Variants in RASAL2 observed in about 807,000 individuals in gnomAD.
The protein encoded by RASAL2 is ras GTPase-activating protein nGAP.
RASAL2 carries 58 observed loss-of-function variants against 128.9 expected under a neutral mutation model. The observed-to-expected ratio is 0.45, with a 90% CI of 0.36 to 0.56. RASAL2 has a LOEUF of 0.56. Ranked by LOEUF, RASAL2 falls within the 20% of genes least tolerant of loss-of-function variation. RASAL2 has a pLI of 0.00. For synonymous variants in RASAL2, 561 were observed against 580.8 expected (o/e 0.97, Z 0.49); for missense variants, 1,360 against 1,601.6 (o/e 0.85, Z 2.57).
chr1:178,172,913 A>G (rs1328921473), intron 1 of RASAL2, among the ~76,000 whole-genome samples: 5 of 152,260 alleles, frequency 3.3e-5, no homozygotes, highest in East Asian at 1.9e-4. Flanking sequence ...GACTTCATCT[A>G]TTTACCTGGT....
chr1:178,456,841 A>T lies in RASAL2; in HGVS notation c.2332A>T (p.Asn778Tyr). Residue 778 changes from asparagine (N) to tyrosine (Y), a missense_variant, in exon 13 of 18, where the codon AAT becomes TAT. Asn to Tyr is a moderately radical substitution (Grantham distance 143). Around this residue, in one of 3 missense-constraint regions of RASAL2, gnomAD observed 741 missense variants for 868.6 expected, o/e 0.85. Transcript: ENST00000367649. ...CTTCACTGAACATAACTCCAGTCCA[A>T]ATGTCAGTGGAAGCCTCTCCTCTGG... ...RRFTEHNSSPNVSGSLSSGLQ... is the reference protein window; with the variant it reads ...RRFTEHNSSPYVSGSLSSGLQ... The T allele has an allele frequency of 6.2e-7, 1 of 1,614,178 alleles. No individual in the cohort carries two copies. Among genetic ancestry groups the T allele is most frequent in the Non-Finnish European group, 8.5e-7 (1 of 1,180,042 alleles).
intron 9 of RASAL2, among the ~76,000 whole-genome samples, chr1:178,447,633 T>G (rs1225265773): frequency 1.5e-5 from 2 of 132,968 alleles, no homozygotes; most frequent in Non-Finnish European, 3.0e-5. Context: ...ATTATACCAT[T>G]GCACTCCAGC....
chr1:178,451,452 C>T, intron 9 of RASAL2, 119 bp from the exon 10 acceptor site: 1 of 1,116,002 alleles, frequency 9.0e-7, no homozygotes, highest in Non-Finnish European at 1.2e-6. Flanking sequence ...TGTGCCCTCC[C>T]TGTCAGATCT....
intron 3 of RASAL2, among the ~76,000 whole-genome samples, chr1:178,309,285 A>G (rs920898511): frequency 2.0e-4 from 30 of 152,172 alleles, no homozygotes; most frequent in African/African-American, 7.2e-4. Flanking sequence ...CTCCTGTAAA[A>G]TAAGATTATT....
At chr1:178,311,544 G>GA (rs77606638) in intron 3 of RASAL2, among the ~76,000 whole-genome samples, 66 of 146,110 alleles carry the variant, frequency 4.5e-4, no homozygotes, top group East Asian at 2.0e-3. Context: ...TCTTTGGAGG[G>GA]AAAAAAAAAA....
intron 1 of RASAL2, among the ~76,000 whole-genome samples, chr1:178,155,934 C>T (rs1465129407): frequency 2.0e-5 from 3 of 152,154 alleles, no homozygotes; most frequent in Admixed American, 6.5e-5. Flanking sequence ...TTTCCAGAAA[C>T]CTGTTGTAAA....
intron 1 of RASAL2, among the ~76,000 whole-genome samples, chr1:178,188,766 G>A (rs571096123): frequency 1.9e-4 from 29 of 152,084 alleles, no homozygotes; most frequent in African/African-American, 6.7e-4. Context: ...TATTTAGAAG[G>A]CAAATGATAC....
At chr1:178,298,711 C>G (rs1411586049) in intron 2 of RASAL2, among the ~76,000 whole-genome samples, 1 of 152,174 alleles carries the variant, frequency 6.6e-6, no homozygotes. Flanking sequence ...TAATGTCACA[C>G]ATATGAACTC....
In RASAL2 at chr1:178,442,943, A is replaced by G. The variant is rs1676765805; in HGVS notation, c.1196A>G (p.Asn399Ser). The G allele has an allele frequency of 6.2e-7, 1 of 1,614,110 alleles. No individual in the cohort carries two copies. The stretch of plus-strand genomic sequence containing the variant: ...AAGAATAATTATGTAGGGCTAGTCA[A>G]CATCCCCACTGCCAGTGTGACTGGT... Reference protein sequence around the residue: ...KDKNNYVGLVNIPTASVTGRQ... With the variant: ...KDKNNYVGLVSIPTASVTGRQ... The change falls in exon 8 of 18, where the codon AAC becomes AGC. Residue 399 changes from asparagine to serine, a missense_variant. This residue lies in a region of RASAL2 where 617 missense variants were observed against 714.2 expected (regional missense o/e 0.86). Transcript: ENST00000367649.
intron 1 of RASAL2, among the ~76,000 whole-genome samples, chr1:178,146,265 AG>A (rs1660727060): frequency 6.6e-6 from 1 of 152,230 alleles, no homozygotes; most frequent in African/African-American, 2.4e-5. Context: ...CACAACAGAG[AG>A]GAATGGTTGT....
intron 3 of RASAL2, among the ~76,000 whole-genome samples, chr1:178,369,936 G>A (rs1320132637): frequency 6.6e-6 from 1 of 152,158 alleles, no homozygotes. Flanking sequence ...ACGGACGTGA[G>A]AGCCATTAGT....
In RASAL2 at chr1:178,173,581, A is replaced by C. The variant is rs1661776596; in HGVS notation, c.202+78887A>C. ...GAGATGATTTTCAGTAGATCTGTAA[A>C]GAAGTGCCTAAGGTCATGATGGAGT... On this transcript the variant is annotated intron_variant, in intron 1 of 17. Transcript: ENST00000367649. Among the ~76,000 whole-genome samples the C allele has an allele frequency of 2.0e-5, 3 of 152,080 alleles. No individual in the cohort carries two copies. The South Asian group carries it at 6.2e-4, about 32-fold the overall frequency.
intron 1 of RASAL2, among the ~76,000 whole-genome samples, chr1:178,121,554 T>C (rs1368140633): frequency 6.6e-6 from 1 of 152,054 alleles, no homozygotes; most frequent in Non-Finnish European, 1.5e-5. Flanking sequence ...GGCGTGATCT[T>C]GGCTCACTGC....
In RASAL2 at chr1:178,104,400, T is replaced by C. The variant is rs1034436461; in HGVS notation, c.202+9706T>C. ...CTTTATAATATGAAAATACAATTTT[T>C]AATGACTAACATTATTTAACCATTA... is the stretch of plus-strand genomic sequence containing the variant. On this transcript the variant is annotated intron_variant, in intron 1 of 17. Transcript: ENST00000367649. Among the ~76,000 whole-genome samples the C allele has an allele frequency of 3.9e-5, 6 of 152,188 alleles. No individual in the cohort carries two copies. The South Asian group carries it at 1.2e-3, about 31-fold the overall frequency.
intron 3 of RASAL2, among the ~76,000 whole-genome samples, chr1:178,329,452 C>T (rs548581894): frequency 8.9e-4 from 135 of 152,224 alleles, no homozygotes; most frequent in African/African-American, 3.2e-3. Context: ...GAAGGCACAT[C>T]TTCAGGAAAT....
chr1:178,174,915 A>T (rs1327994027), intron 1 of RASAL2, among the ~76,000 whole-genome samples: 1 of 152,106 alleles, frequency 6.6e-6, no homozygotes, highest in Non-Finnish European at 1.5e-5. Context: ...ATTATTGTCA[A>T]ATTGTGATTG....
intron 1 of RASAL2, among the ~76,000 whole-genome samples, chr1:178,151,336 C>T (rs1298609554): frequency 1.3e-5 from 2 of 151,994 alleles, no homozygotes; most frequent in Non-Finnish European, 2.9e-5. Context: ...ACCCAGTAAA[C>T]GGAGGTTGCA....
chr1:178,318,998 A>G (rs1054259276), intron 3 of RASAL2, among the ~76,000 whole-genome samples: 1 of 152,120 alleles, frequency 6.6e-6, no homozygotes, highest in African/African-American at 2.4e-5. Context: ...GGTGGTGACA[A>G]AATCAGTCAG....
At chr1:178,470,819 C>T (rs1319832868) in intron 17 of RASAL2, 3 of 1,017,628 alleles carry the variant, frequency 2.9e-6, no homozygotes, top group Non-Finnish European at 4.1e-6. Context: ...CCACTCCCCA[C>T]ATGGGAATCC....
Sources: gnomAD v4.1 joint callset for allele counts (sites outside exome capture counted in the v4.1 genomes callset) on GRCh38, gnomAD v4.1.1 for gene constraint, gnomAD v4.1.1 regional missense constraint, MANE v1.5 for transcripts, NCBI Gene and HGNC (gene_info 2026-07-23, HGNC 2026-07-21) for gene names.